Variants in TEX101 observed in about 807,000 individuals in gnomAD.
The protein encoded by TEX101 is testis-expressed protein 101.
A neutral mutation model predicts 18.1 loss-of-function variants in TEX101; 10 were observed. The ratio of observed to expected loss-of-function variants is 0.55; its 90% confidence interval spans 0.34 to 0.94. TEX101 has a LOEUF of 0.94. Among genes scored for constraint, TEX101 ranks in the 40% least tolerant of loss-of-function variants. TEX101 has a pLI of 0.02. For missense variants in TEX101, 259 were observed against 298.9 expected, an observed-to-expected ratio of 0.87 and a Z score of 0.98; for synonymous variants, 94 against 114.8, an observed-to-expected ratio of 0.82 and a Z score of 1.16.
upstream of TEX101, among the ~76,000 whole-genome samples, chr19:43,411,237 C>A (rs1970416514): frequency 6.6e-6 from 1 of 152,110 alleles, no homozygotes; most frequent in Non-Finnish European, 1.5e-5. Flanking sequence ...CCACCACGCC[C>A]AGCTAATTTT....
chr19:43,390,911 C>A, the TEX101 span, among the ~76,000 whole-genome samples: 20 of 152,096 alleles, frequency 1.3e-4, no homozygotes, highest in African/African-American at 4.3e-4. Context: ...CCTCTTTCCG[C>A]CTCCCTCCAG....
the TEX101 span, among the ~76,000 whole-genome samples, chr19:43,390,683 T>G: frequency 2.0e-5 from 3 of 151,824 alleles, no homozygotes; most frequent in East Asian, 1.9e-4. Context: ...TAGCCAGGAT[T>G]GTCTCGATCT....
At position 43,416,564 on chromosome 19, in the gene TEX101, G is replaced by A. The variant is rs1296595931; in HGVS notation, c.391+9G>A. On this transcript the variant is annotated intron_variant, in intron 4 of 5. Coordinates refer to ENST00000598265, the MANE Select transcript of TEX101 (RefSeq NM_001130011.3). ...GTTCAGTGAGACCACAGGTACCCTG[G>A]AAGTGGGGGAGATAGGTACTAAGAG... 3.1e-6 allele frequency: 5 copies of A among 1,610,218 alleles called. No individual in the cohort carries two copies. Among genetic ancestry groups the A allele is most frequent in the Non-Finnish European group, 4.2e-6 (5 of 1,177,672 alleles).
the TEX101 span, among the ~76,000 whole-genome samples, chr19:43,389,317 T>C: frequency 9.2e-5 from 14 of 152,322 alleles, no homozygotes; most frequent in Admixed American, 5.9e-4. Context: ...CATCAGGTGC[T>C]CCCGTGAAAG....
upstream of TEX101, among the ~76,000 whole-genome samples, chr19:43,411,378 T>A (rs898181802): frequency 2.0e-5 from 3 of 151,970 alleles, no homozygotes; most frequent in Non-Finnish European, 4.4e-5. Flanking sequence ...GCCTGGCCCA[T>A]TAGAAAGTTT....
chr19:43,415,162 C>A (rs1332085441), intron 1 of TEX101, 124 bp downstream of exon 1: 10 of 636,578 alleles, frequency 1.6e-5, no homozygotes, highest in Non-Finnish European at 1.9e-5. Flanking sequence ...TGGTTGGAAC[C>A]CAGACTCCTC....
At chr19:43,417,745 G>A in intron 4 of TEX101, 133 bp from the exon 5 acceptor site, 3 of 1,142,110 alleles carry the variant, frequency 2.6e-6, no homozygotes, top group Non-Finnish European at 2.5e-6. Context: ...GCTGGGGAAG[G>A]ATGGGGAGGC....
upstream of TEX101, among the ~76,000 whole-genome samples, chr19:43,396,559 C>A (rs1568453696): frequency 2.0e-5 from 3 of 152,154 alleles, no homozygotes; most frequent in African/African-American, 7.2e-5. Flanking sequence ...ACATGCCTTC[C>A]ACCACTGACA....
chr19:43,393,583 T>C, the TEX101 span, among the ~76,000 whole-genome samples: 1 of 151,964 alleles, frequency 6.6e-6, no homozygotes, highest in African/African-American at 2.4e-5. Context: ...CTTCCAGTAC[T>C]TACAGCAGTC....
intron 2 of TEX101, among the ~76,000 whole-genome samples, chr19:43,404,937 G>A (rs16976477): frequency 0.026 from 3,963 of 152,030 alleles, 63 homozygotes; most frequent in Middle Eastern, 0.099. Flanking sequence ...ATTTCAGAAA[G>A]GAGAGAACTG....
chr19:43,417,030 C>CAA (rs746528568), intron 4 of TEX101, among the ~76,000 whole-genome samples: 121 of 70,486 alleles, frequency 1.7e-3, no homozygotes, highest in African/African-American at 3.2e-3. Context: ...AAGACTCCAT[C>CAA]AAAAAAAAAA....
At chr19:43,402,716 G>A (rs1970328585) in intron 1 of TEX101, 1 of 152,194 alleles carries the variant, frequency 6.6e-6, no homozygotes, top group Non-Finnish European at 1.5e-5. Flanking sequence ...GAGTAGCTGG[G>A]ACTACAGGCG....
At chr19:43,391,585 A>T in the TEX101 span, among the ~76,000 whole-genome samples, 481 of 152,186 alleles carry the variant, frequency 3.2e-3, 1 homozygote, top group African/African-American at 0.011. Flanking sequence ...AAGAGGTAGC[A>T]CATGGTGCAT....
upstream of TEX101, among the ~76,000 whole-genome samples, chr19:43,397,799 TATATTATATAA>T: frequency 8.7e-6 from 1 of 115,234 alleles, no homozygotes; most frequent in East Asian, 2.1e-4. Context: ...TTTATATATT[TATATTATATAA>T]ATATAAATAT....
the TEX101 span, among the ~76,000 whole-genome samples, chr19:43,394,052 T>TGGGG: frequency 6.6e-6 from 1 of 151,478 alleles, no homozygotes; most frequent in Non-Finnish European, 1.5e-5. Context: ...ATTGCAGAGA[T>TGGGG]GGGGACGTGG....
At chr19:43,406,374 G>A in exon 3 of TEX101, 1 of 678,212 alleles carries the variant, frequency 1.5e-6, no homozygotes. Context: ...AGCATCCAGC[G>A]ACACCACAGC....
chr19:43,413,441 G>A (rs1970436967), upstream of TEX101, among the ~76,000 whole-genome samples: 1 of 150,162 alleles, frequency 6.7e-6, no homozygotes, highest in Non-Finnish European at 1.5e-5. Flanking sequence ...GGCAGAGCTT[G>A]CAGTGAGCCG....
chr19:43,415,596 T>A (rs955954005), intron 1 of TEX101, among the ~76,000 whole-genome samples: 2 of 151,866 alleles, frequency 1.3e-5, no homozygotes, highest in Non-Finnish European at 2.9e-5. Context: ...ACGTCATCTC[T>A]ACTAAAAATA....
chr19:43,388,944 C>A, the TEX101 span, among the ~76,000 whole-genome samples: 2 of 152,088 alleles, frequency 1.3e-5, no homozygotes, highest in Non-Finnish European at 2.9e-5. Context: ...GCTTTAAAGG[C>A]GGCTGCTCCC....
Sources: gnomAD v4.1 joint callset for allele counts (sites outside exome capture counted in the v4.1 genomes callset) on GRCh38, gnomAD v4.1.1 for gene constraint, MANE v1.5 for transcripts, NCBI Gene and HGNC (gene_info 2026-07-23, HGNC 2026-07-21) for gene names.